ZNF559: variants seen among roughly 807,000 people sequenced by gnomAD.
ZNF559 encodes zinc finger protein 559.
A neutral mutation model predicts 14.2 loss-of-function variants in ZNF559; 17 were observed. That is an observed-to-expected ratio of 1.20 (90% CI 0.82 to 1.80). ZNF559 has a LOEUF of 1.80. Ranked by LOEUF, ZNF559 falls within the 40% of genes most tolerant of loss-of-function variation. ZNF559 has a pLI of 0.00. For missense variants in ZNF559, 740 were observed against 629.7 expected (o/e 1.18, Z -1.88); for synonymous variants, 244 against 212.4 (o/e 1.15, Z -1.29).
intron 2 of ZNF559, among the ~76,000 whole-genome samples, chr19:9,334,439 A>G (rs143467799): frequency 6.6e-6 from 1 of 152,240 alleles, no homozygotes; most frequent in Non-Finnish European, 1.5e-5. Flanking sequence ...AAAGAACTAT[A>G]TGTGTAACAG....
At chr19:9,330,828 G>T (rs1269333779) in intron 2 of ZNF559, among the ~76,000 whole-genome samples, 1 of 152,090 alleles carries the variant, frequency 6.6e-6, no homozygotes, top group African/African-American at 2.4e-5. Context: ...CTGAATATTT[G>T]TTTTCTTTGT....
intron 3 of ZNF559, 174 bp downstream of exon 3, chr19:9,338,032 A>G (rs1231752575): frequency 6.5e-6 from 10 of 1,534,290 alleles, no homozygotes; most frequent in South Asian, 2.4e-5. Flanking sequence ...GTCCGTATTG[A>G]TGGTCCTTCA....
At chr19:9,340,996 C>A in intron 5 of ZNF559, 106 bp from the exon 6 acceptor site, 2 of 840,192 alleles carry the variant, frequency 2.4e-6, no homozygotes, top group Non-Finnish European at 3.8e-6. Context: ...AACTATATTT[C>A]AAGCCAGTGT....
intron 2 of ZNF559, among the ~76,000 whole-genome samples, chr19:9,332,065 G>A (rs7250167): frequency 0.61 from 92,604 of 151,956 alleles, 28,843 homozygotes; most frequent in African/African-American, 0.73. Flanking sequence ...TTAAAAAGCA[G>A]TCGTTTTTGT....
intron 2 of ZNF559, among the ~76,000 whole-genome samples, chr19:9,334,791 A>G (rs2067137345): frequency 6.6e-6 from 1 of 152,190 alleles, no homozygotes; most frequent in Non-Finnish European, 1.5e-5. Flanking sequence ...TGGGAAAAAA[A>G]GTAAAACTGA....
rs1336111414 is a variant in ZNF559 at position 9,342,858 on chromosome 19, G to T, written c.1407G>T (p.Lys469Asn). ...HTGERPYKCQ[K>N]CGQAFSISSG... The stretch of plus-strand genomic sequence containing the variant: ...GGGAGAGGCCATATAAATGTCAAAA[G>T]TGTGGGCAAGCCTTCAGTATCTCAT... Residue 469 changes from lysine to asparagine, a missense_variant, in exon 7 of 7, where the codon AAG becomes AAT. By Grantham distance (94) the Lys-to-Asn change is moderately conservative. Transcript: ENST00000603380. 15 of 1,613,588 alleles carry T rather than the reference G, an allele frequency of 9.3e-6. No homozygotes were observed. The highest frequency in any genetic ancestry group is 1.3e-5 in the Non-Finnish European group (15 of 1,179,892).
At position 9,342,671 on chromosome 19, in the gene ZNF559, A is replaced by G. The variant is rs773107074; in HGVS notation, c.1220A>G (p.Lys407Arg). 6.2e-7 allele frequency: 1 copy of G among 1,614,058 alleles called. No homozygotes were observed. Among genetic ancestry groups the G allele is most frequent in the African/African-American group, 1.3e-5 (1 of 74,920 alleles). Residue 407 changes from lysine to arginine, a missense_variant, in exon 7 of 7, where the codon AAA becomes AGA. Lys to Arg is a conservative substitution (Grantham distance 26, BLOSUM62 2). Transcript: ENST00000603380. ...CACATGCAGACTCATCCTGGTGTAA[A>G]ACCCTATGACTGTCAACAGTGTGGG... Reference protein sequence around the residue: ...KSHMQTHPGVKPYDCQQCGKA... With the variant: ...KSHMQTHPGVRPYDCQQCGKA...
chr19:9,324,373 G>C (rs2066445975), intron 1 of ZNF559, 145 bp downstream of exon 1: 1 of 1,494,384 alleles, frequency 6.7e-7, no homozygotes, highest in Non-Finnish European at 8.9e-7. Flanking sequence ...GCTCTCCCAA[G>C]TCGCGGCCCC....
chr19:9,341,017 A>G (rs1162217711), intron 5 of ZNF559, 85 bp from the exon 6 acceptor site: 5 of 981,494 alleles, frequency 5.1e-6, no homozygotes, highest in South Asian at 1.5e-5. Flanking sequence ...TTGAAACTAC[A>G]GTACATACTA....
At chr19:9,337,619 G>C (rs1200309104) in intron 2 of ZNF559, 177 bp from the exon 3 acceptor site, 2 of 272,038 alleles carry the variant, frequency 7.4e-6, no homozygotes, top group Non-Finnish European at 1.4e-5. Context: ...ATTAGTGTCT[G>C]AGCTTAGGTT....
At chr19:9,335,582 C>G (rs566928923) in intron 2 of ZNF559, among the ~76,000 whole-genome samples, 3 of 152,208 alleles carry the variant, frequency 2.0e-5, no homozygotes, top group Non-Finnish European at 4.4e-5. Flanking sequence ...AGGTCTGGCT[C>G]TATCGCCCAG....
intron 5 of ZNF559, 81 bp downstream of exon 5, chr19:9,339,400 G>A: frequency 6.8e-7 from 1 of 1,468,558 alleles, no homozygotes; most frequent in Non-Finnish European, 9.2e-7. Context: ...GACTCTGCTT[G>A]TTAATGGGCT....
At chr19:9,330,575 G>A (rs2066885718) in intron 2 of ZNF559, among the ~76,000 whole-genome samples, 1 of 152,030 alleles carries the variant, frequency 6.6e-6, no homozygotes, top group African/African-American at 2.4e-5. Flanking sequence ...GTTTGATGAT[G>A]TCTGCTCTTG....
intron 2 of ZNF559, among the ~76,000 whole-genome samples, chr19:9,333,520 C>G (rs2067050538): frequency 5.3e-5 from 8 of 152,132 alleles, no homozygotes; most frequent in Admixed American, 5.2e-4. Flanking sequence ...AAGACCCCAT[C>G]TCTACAGAAA....
intron 2 of ZNF559, among the ~76,000 whole-genome samples, chr19:9,325,207 G>T (rs2066513313): frequency 6.6e-6 from 1 of 152,184 alleles, no homozygotes; most frequent in Non-Finnish European, 1.5e-5. Context: ...CGTTTTGGGA[G>T]GCTGAGGCTG....
At chr19:9,325,517 G>T (rs2066536693) in intron 2 of ZNF559, among the ~76,000 whole-genome samples, 1 of 152,044 alleles carries the variant, frequency 6.6e-6, no homozygotes. Flanking sequence ...TTTAGTCCAG[G>T]TGTGGTGGCT....
At chr19:9,330,804 T>G (rs933899328) in intron 2 of ZNF559, among the ~76,000 whole-genome samples, 6 of 152,230 alleles carry the variant, frequency 3.9e-5, no homozygotes, top group Non-Finnish European at 8.8e-5. Flanking sequence ...TCTCCATTTC[T>G]TTTGGGTTGG....
intron 5 of ZNF559, among the ~76,000 whole-genome samples, chr19:9,339,990 G>A (rs1274510558): frequency 6.6e-5 from 8 of 120,492 alleles, no homozygotes. Context: ...GTTTCACTGT[G>A]TTAGCCAGGA....
rs997403925 is a variant in ZNF559, at chr19:9,324,229, G to C, written c.-206+1G>C. 1.1e-5 allele frequency: 17 copies of C among 1,536,104 alleles called. No homozygotes were observed. The highest frequency in any genetic ancestry group is 4.9e-5 in the East Asian group (2 of 40,898). On this transcript the variant is annotated splice_donor_variant, in intron 1 of 6. Coordinates refer to ENST00000603380, the MANE Select transcript of ZNF559 (RefSeq NM_032497.3). LOFTEE classifies it low-confidence loss of function (5UTR_SPLICE). Reference sequence around the variant, plus strand: ...CAGCGCGTTCCCGTTGGCGTCTGAGGTAAGTTTTTGTTTCTGGGCGGCGTT... The same window carrying C: ...CAGCGCGTTCCCGTTGGCGTCTGAGCTAAGTTTTTGTTTCTGGGCGGCGTT...
Sources: gnomAD v4.1 joint callset for allele counts (sites outside exome capture counted in the v4.1 genomes callset) on GRCh38, gnomAD v4.1.1 for gene constraint, MANE v1.5 for transcripts, NCBI Gene and HGNC (gene_info 2026-07-23, HGNC 2026-07-21) for gene names.